TACR1: variants seen among roughly 807,000 people sequenced by gnomAD.
TACR1 encodes substance-P receptor.
In TACR1, 25 loss-of-function variants were observed where a neutral mutation model predicts 35.8. The ratio of observed to expected loss-of-function variants is 0.70; its 90% CI spans 0.51 to 0.98. The LOEUF (loss-of-function observed/expected upper bound fraction) is 0.98. Ranked by LOEUF, TACR1 falls within the 50% of genes least tolerant of loss-of-function variation. TACR1 has a pLI of 0.00. For synonymous variants in TACR1, 195 were observed against 206.7 expected, an observed-to-expected ratio of 0.94 and a Z score of 0.48; for missense variants, 478 against 522.9, an observed-to-expected ratio of 0.91 and a Z score of 0.84.
Position 75,051,378 on chromosome 2 carries a change from G to A in TACR1, c.805C>T (p.Leu269Phe), listed in dbSNP as rs1178932778. Residue 269 changes from leucine to phenylalanine, a missense_variant, in exon 4 of 5, where the codon CTC becomes TTC. Physicochemically the swap from Leu to Phe is conservative, Grantham distance 22. Transcript: ENST00000305249. ...AGATCTGGGTTGATGTAGGGCAGGA[G>A]GAAGAAGATGTGGAAGGGCAGCCAG... is the stretch of plus-strand genomic sequence containing the variant. ...ICWLPFHIFFLLPYINPDLYL... is the reference protein window; with the variant it reads ...ICWLPFHIFFFLPYINPDLYL... 6.2e-7 allele frequency: 1 copy of A among 1,614,062 alleles called. No homozygotes were observed. The highest frequency in any genetic ancestry group is 1.3e-5 in the African/African-American group (1 of 74,918).
chr2:75,151,777 A>C (rs1446928180), intron 1 of TACR1, among the ~76,000 whole-genome samples: 1 of 143,850 alleles, frequency 7.0e-6, no homozygotes, highest in Non-Finnish European at 1.5e-5. Context: ...GTACCTGGAA[A>C]AGGCTGTAGA....
At chr2:75,181,052 C>G (rs1226417819) in intron 1 of TACR1, among the ~76,000 whole-genome samples, 3 of 152,192 alleles carry the variant, frequency 2.0e-5, no homozygotes, top group Non-Finnish European at 4.4e-5. Flanking sequence ...ATTTCTAACT[C>G]TTTACTCTCT....
At chr2:75,115,230 A>G (rs1404501854) in intron 2 of TACR1, among the ~76,000 whole-genome samples, 3 of 152,132 alleles carry the variant, frequency 2.0e-5, no homozygotes, top group Non-Finnish European at 2.9e-5. Flanking sequence ...TAAATTATAA[A>G]AAGATGTTCG....
At chr2:75,176,817 C>T (rs1675431752) in intron 1 of TACR1, among the ~76,000 whole-genome samples, 1 of 152,176 alleles carries the variant, frequency 6.6e-6, no homozygotes, top group African/African-American at 2.4e-5. Flanking sequence ...TCCTTACTTC[C>T]CTGACCACCA....
chr2:75,161,480 A>C (rs1263500758), intron 1 of TACR1, among the ~76,000 whole-genome samples: 1 of 152,154 alleles, frequency 6.6e-6, no homozygotes, highest in Non-Finnish European at 1.5e-5. Context: ...ACAGAGGTAC[A>C]ATCAATACAG....
At chr2:75,094,549 C>T (rs1192873211) in intron 2 of TACR1, among the ~76,000 whole-genome samples, 1 of 151,930 alleles carries the variant, frequency 6.6e-6, no homozygotes, top group Non-Finnish European at 1.5e-5. Context: ...GAGGGTTCTC[C>T]AAGACAGTGA....
At chr2:75,148,576 T>C (rs1674599160) in intron 1 of TACR1, among the ~76,000 whole-genome samples, 1 of 152,228 alleles carries the variant, frequency 6.6e-6, no homozygotes. Flanking sequence ...TTGCTTGTTT[T>C]TTTCTTGTAA....
intron 2 of TACR1, among the ~76,000 whole-genome samples, chr2:75,114,915 G>A (rs1673820339): frequency 6.6e-6 from 1 of 152,180 alleles, no homozygotes; most frequent in Admixed American, 6.5e-5. Context: ...CTATAACTGT[G>A]AATTGTAAAC....
At chr2:75,158,979 T>C (rs567969046) in intron 1 of TACR1, among the ~76,000 whole-genome samples, 39 of 152,322 alleles carry the variant, frequency 2.6e-4, no homozygotes, top group African/African-American at 8.7e-4. Context: ...TTGTGTTAAG[T>C]GCTTTAGAAG....
intron 1 of TACR1, among the ~76,000 whole-genome samples, chr2:75,171,937 A>T (rs1305762185): frequency 6.6e-6 from 1 of 152,120 alleles, no homozygotes; most frequent in Non-Finnish European, 1.5e-5. Context: ...TGTTGAAGTG[A>T]GCGAAGACTT....
intron 1 of TACR1, among the ~76,000 whole-genome samples, chr2:75,191,000 G>C (rs772954496): frequency 2.0e-5 from 3 of 152,202 alleles, no homozygotes; most frequent in Non-Finnish European, 4.4e-5. Flanking sequence ...TCCTTGAGCA[G>C]TTCATATGTA....
chr2:75,191,055 AG>A (rs1274642323), intron 1 of TACR1, among the ~76,000 whole-genome samples: 1 of 152,196 alleles, frequency 6.6e-6, no homozygotes, highest in East Asian at 1.9e-4. Context: ...GTCATCATAA[AG>A]CACCTCTTCA....
chr2:75,155,234 C>T (rs868346051), intron 1 of TACR1, among the ~76,000 whole-genome samples: 12 of 152,182 alleles, frequency 7.9e-5, no homozygotes, highest in African/African-American at 2.9e-4. Flanking sequence ...ACGTAGTTCT[C>T]CTCTTCAGCT....
rs540032801 is a variant in TACR1, at chr2:75,047,944, A to G, written c.*1488T>C. ...ACATGAAGCTTCTGCTTCCAGCCAT[A>G]TCTGGAAAAAACACAGATTTGGGAG... On this transcript the variant is annotated 3_prime_UTR_variant, in exon 5 of 5. Transcript: ENST00000305249. The G allele has an allele frequency of 6.6e-6, 1 of 152,340 alleles. No individual in the cohort carries two copies. The highest frequency in any genetic ancestry group is 2.1e-4 in the South Asian group (1 of 4,830). 9.4% of individuals were successfully genotyped at this position (152,340 alleles called of 1,614,324 possible).
At chr2:75,141,906 G>T (rs1295237660) in intron 1 of TACR1, among the ~76,000 whole-genome samples, 3 of 152,186 alleles carry the variant, frequency 2.0e-5, no homozygotes, top group African/African-American at 7.2e-5. Context: ...CAACCCCAGG[G>T]CTCTAGCTGG....
intron 1 of TACR1, among the ~76,000 whole-genome samples, chr2:75,197,716 G>A (rs1676027656): frequency 6.6e-6 from 1 of 152,054 alleles, no homozygotes; most frequent in Non-Finnish European, 1.5e-5. Flanking sequence ...TTGGTTGCCG[G>A]AACAGAAGAG....
At chr2:75,196,707 T>A (rs899594633) in intron 1 of TACR1, among the ~76,000 whole-genome samples, 2 of 152,156 alleles carry the variant, frequency 1.3e-5, no homozygotes, top group East Asian at 3.9e-4. Flanking sequence ...CTGCAGAACA[T>A]GTTTCTGTGT....
At chr2:75,103,411 G>A (rs1334535877) in intron 2 of TACR1, among the ~76,000 whole-genome samples, 1 of 152,112 alleles carries the variant, frequency 6.6e-6, no homozygotes, top group Admixed American at 6.6e-5. Flanking sequence ...TCATAATGGG[G>A]TATGTCAAAG....
chr2:75,165,335 A>ATAAATAAATATTATTTATTT (rs1675112361), intron 1 of TACR1, among the ~76,000 whole-genome samples: 1 of 151,906 alleles, frequency 6.6e-6, no homozygotes, highest in Non-Finnish European at 1.5e-5. Flanking sequence ...TTTGAGACAG[A>ATAAATAAATATTATTTATTT]GTCTCGCTCT....
Sources: gnomAD v4.1 joint callset for allele counts (sites outside exome capture counted in the v4.1 genomes callset) on GRCh38, gnomAD v4.1.1 for gene constraint, MANE v1.5 for transcripts, NCBI Gene and HGNC (gene_info 2026-07-23, HGNC 2026-07-21) for gene names.